Variants in RXFP1 observed in about 807,000 individuals in gnomAD.
RXFP1 encodes relaxin receptor 1.
Under a neutral mutation model 89.8 loss-of-function variants are expected in RXFP1, and 73 were observed. That is an observed-to-expected ratio of 0.81 (90% CI 0.67 to 0.99). The LOEUF (loss-of-function observed/expected upper bound fraction) is 0.99, where lower values mean the gene tolerates loss of function less well. RXFP1 is among the 50% of genes least tolerant of loss of function. The pLI, the probability that RXFP1 is intolerant of heterozygous loss-of-function variation, is 0.00. For missense variants in RXFP1, 793 were observed against 895.5 expected, an observed-to-expected ratio of 0.89 and a Z score of 1.46; for synonymous variants, 277 against 305.5, an observed-to-expected ratio of 0.91 and a Z score of 0.97.
intron 2 of RXFP1, among the ~76,000 whole-genome samples, chr4:158,581,555 G>C (rs1561060664): frequency 6.6e-6 from 1 of 152,154 alleles, no homozygotes; most frequent in Non-Finnish European, 1.5e-5. Flanking sequence ...ATATATAAGA[G>C]ATTAGATGAA....
chr4:158,641,554 C>T (rs79556256), intron 14 of RXFP1, among the ~76,000 whole-genome samples: 2 of 152,324 alleles, frequency 1.3e-5, no homozygotes, highest in East Asian at 3.9e-4. Flanking sequence ...TCCTTCTTTC[C>T]TCATGTTCTG....
At chr4:158,651,013 A>T (rs1357441717) in intron 17 of RXFP1, among the ~76,000 whole-genome samples, 1 of 152,054 alleles carries the variant, frequency 6.6e-6, no homozygotes, top group Admixed American at 6.6e-5. Flanking sequence ...GGTCCCAGCT[A>T]CTCAAGAGGG....
chr4:158,616,470 T>C (rs980339122), intron 8 of RXFP1, among the ~76,000 whole-genome samples: 1 of 150,458 alleles, frequency 6.6e-6, no homozygotes. Context: ...TAAAACAAGG[T>C]GTGCCTACAT....
Position 158,572,785 on chromosome 4 carries a change from A to G in RXFP1, c.137A>G (p.His46Arg), listed in dbSNP as rs1755359245. 6.2e-7 allele frequency: 1 copy of G among 1,614,170 alleles called. No homozygotes were observed. The highest frequency in any genetic ancestry group is 1.7e-5 in the Admixed American group (1 of 60,020). ...ACAAAGTGCTTGCCTCAGCTCCTGCACTGTAACGGTGTGGACGACTGCGGG... is the reference window on the plus strand; with the variant it reads ...ACAAAGTGCTTGCCTCAGCTCCTGCGCTGTAACGGTGTGGACGACTGCGGG... The part of the protein sequence containing the change: ...NITKCLPQLL[H>R]CNGVDDCGNQ... Residue 46 changes from histidine (H) to arginine (R), a missense_variant, in exon 2 of 18, where the codon CAC becomes CGC. His to Arg is a conservative substitution (Grantham distance 29, BLOSUM62 0). Coordinates refer to ENST00000307765, the MANE Select transcript of RXFP1 (RefSeq NM_021634.4).
chr4:158,552,101 T>C (rs547538045), intron 1 of RXFP1, among the ~76,000 whole-genome samples: 6 of 152,344 alleles, frequency 3.9e-5, no homozygotes, highest in Admixed American at 1.3e-4. Context: ...CAGATTAGAA[T>C]CACAGTTGAG....
chr4:158,608,279 CTTTTTTTTT>C (rs756131500), intron 6 of RXFP1, among the ~76,000 whole-genome samples: 15 of 76,094 alleles, frequency 2.0e-4, no homozygotes, highest in African/African-American at 9.2e-4. Context: ...GTATTCCTTT[CTTTTTTTTT>C]TTTTTTTTTT....
At chr4:158,558,030 T>A (rs1751677378) in intron 1 of RXFP1, among the ~76,000 whole-genome samples, 1 of 152,252 alleles carries the variant, frequency 6.6e-6, no homozygotes, top group Non-Finnish European at 1.5e-5. Context: ...TTGAGAAATA[T>A]ATCTACTAAG....
At chr4:158,571,237 T>C (rs1047363924) in intron 1 of RXFP1, among the ~76,000 whole-genome samples, 24 of 152,196 alleles carry the variant, frequency 1.6e-4, no homozygotes, top group African/African-American at 5.5e-4. Context: ...ATGCATAAAA[T>C]CTTGCACAGG....
At chr4:158,641,069 T>C (rs1770282083) in intron 14 of RXFP1, among the ~76,000 whole-genome samples, 1 of 152,260 alleles carries the variant, frequency 6.6e-6, no homozygotes, top group South Asian at 2.1e-4. Context: ...ATCAACTCTG[T>C]AATCTTGCTT....
intron 1 of RXFP1, among the ~76,000 whole-genome samples, chr4:158,563,306 A>G (rs1416357046): frequency 6.6e-6 from 1 of 152,198 alleles, no homozygotes; most frequent in Non-Finnish European, 1.5e-5. Flanking sequence ...TGGGGTTCTG[A>G]GTGGGTCCCC....
chr4:158,554,363 C>T (rs536587298), intron 1 of RXFP1, among the ~76,000 whole-genome samples: 1 of 152,180 alleles, frequency 6.6e-6, no homozygotes, highest in East Asian at 1.9e-4. Context: ...GTAAAATCCC[C>T]ACTTTCTTCT....
At chr4:158,549,702 T>G (rs1475747741) in intron 1 of RXFP1, among the ~76,000 whole-genome samples, 8 of 152,220 alleles carry the variant, frequency 5.3e-5, no homozygotes, top group African/African-American at 4.8e-5. Flanking sequence ...TGTTGGAGTT[T>G]GCTAGAGGTC....
intron 13 of RXFP1, among the ~76,000 whole-genome samples, chr4:158,638,573 C>T (rs958438537): frequency 3.9e-5 from 6 of 151,976 alleles, no homozygotes; most frequent in Non-Finnish European, 7.4e-5. Flanking sequence ...TTTGGGAGTC[C>T]GAAGCAGGAG....
At chr4:158,600,560 C>A (rs1296090311) in intron 4 of RXFP1, among the ~76,000 whole-genome samples, 1 of 152,160 alleles carries the variant, frequency 6.6e-6, no homozygotes, top group Non-Finnish European at 1.5e-5. Flanking sequence ...CCCAAAAGAA[C>A]CTGAGGTCCT....
At position 158,593,256 on chromosome 4, in the gene RXFP1, C is replaced by T. The variant is rs372002391; in HGVS notation, c.188-145C>T. ...CTCCAGGTGGGGGTCCATAAATTCA[C>T]GTTTATAGCAAGTTTCCAGATAATG... On this transcript the variant is annotated intron_variant, in intron 2 of 17. Coordinates refer to ENST00000307765, the MANE Select transcript of RXFP1 (RefSeq NM_021634.4). 3.3e-4 allele frequency: 145 copies of T among 438,592 alleles called. 3 individuals are homozygous for T. In the South Asian group the frequency reaches 8.8e-3, roughly 27 times the overall value. The allele number at this position is 438,592 out of a possible 1,614,324, so 27.2% of individuals were successfully genotyped here.
chr4:158,599,208 A>T, intron 3 of RXFP1, 118 bp from the exon 4 acceptor site: 1 of 1,511,466 alleles, frequency 6.6e-7, no homozygotes, highest in Non-Finnish European at 8.9e-7. Flanking sequence ...CCTACGTAGC[A>T]CATGATATGC....
In RXFP1 at chr4:158,630,610, A is replaced by G. The variant is rs572206745; in HGVS notation, c.899+1901A>G. 3.9e-5 allele frequency among the ~76,000 whole-genome samples: 6 copies of G among 152,336 alleles called. No homozygotes were observed. In the South Asian group the frequency reaches 1.2e-3, roughly 32 times the overall value. ...AGGGCTTAGTGCATAACCAATGCTA[A>G]TCCAGGTTCAGAAGTAAAGGAAAGA... is the stretch of plus-strand genomic sequence containing the variant. On this transcript the variant is annotated intron_variant, in intron 11 of 17. Coordinates refer to ENST00000307765, the MANE Select transcript of RXFP1 (RefSeq NM_021634.4).
intron 6 of RXFP1, among the ~76,000 whole-genome samples, chr4:158,609,430 G>T (rs969523840): frequency 6.6e-6 from 1 of 152,136 alleles, no homozygotes; most frequent in African/African-American, 2.4e-5. Context: ...CTTTCTCAAT[G>T]TTCCGTTTTA....
intron 1 of RXFP1, among the ~76,000 whole-genome samples, chr4:158,530,627 G>A (rs943965942): frequency 1.3e-5 from 2 of 152,168 alleles, no homozygotes; most frequent in Non-Finnish European, 2.9e-5. Context: ...CATGCTTTCT[G>A]TTAGCTTCTT....
Sources: gnomAD v4.1 joint callset for allele counts (sites outside exome capture counted in the v4.1 genomes callset) on GRCh38, gnomAD v4.1.1 for gene constraint, MANE v1.5 for transcripts, NCBI Gene and HGNC (gene_info 2026-07-23, HGNC 2026-07-21) for gene names.